The following ELAVL2 variants were observed in gnomAD, a reference collection of about 807,000 sequenced individuals.
ELAVL2 encodes ELAV like RNA binding protein 2.
Under a neutral mutation model 34.6 loss-of-function variants are expected in ELAVL2, and 4 were observed. The ratio of observed to expected loss-of-function variants is 0.12; its 90% CI spans 0.06 to 0.26. The LOEUF is 0.26. Ranked by LOEUF, ELAVL2 falls within the 10% of genes least tolerant of loss-of-function variation. The pLI is 1.00. For synonymous variants in ELAVL2, 193 were observed against 154.8 expected (o/e 1.25, Z -1.83); for missense variants, 432 against 442.8 (o/e 0.98, Z 0.22).
chr9:23,806,845 A>T (rs549763105), intron 1 of ELAVL2, among the ~76,000 whole-genome samples: 1 of 152,138 alleles, frequency 6.6e-6, no homozygotes, highest in Admixed American at 6.5e-5. Flanking sequence ...CTTAACTCTC[A>T]TACCTGCTGT....
chr9:23,722,217 A>G (rs2043908348), intron 3 of ELAVL2, among the ~76,000 whole-genome samples: 1 of 152,220 alleles, frequency 6.6e-6, no homozygotes, highest in South Asian at 2.1e-4. Flanking sequence ...AAGAGAGACC[A>G]ATGTTAACAC....
intron 1 of ELAVL2, among the ~76,000 whole-genome samples, chr9:23,800,809 C>T (rs558617608): frequency 1.2e-4 from 19 of 152,136 alleles, no homozygotes; most frequent in Non-Finnish European, 2.4e-4. Flanking sequence ...GAATTTAGAT[C>T]TATCTTCATC....
At chr9:23,731,338 A>G (rs931974391) in intron 2 of ELAVL2, among the ~76,000 whole-genome samples, 4 of 140,018 alleles carry the variant, frequency 2.9e-5, no homozygotes, top group Non-Finnish European at 4.7e-5. Context: ...AGTGCTGTTT[A>G]GGAAAAAAAA....
At chr9:23,765,308 G>A (rs1266576837) in intron 1 of ELAVL2, among the ~76,000 whole-genome samples, 1 of 152,084 alleles carries the variant, frequency 6.6e-6, no homozygotes, top group Non-Finnish European at 1.5e-5. Context: ...TTTTAATTAA[G>A]AGCCTGATTT....
the ELAVL2 span, among the ~76,000 whole-genome samples, chr9:23,843,127 A>G: frequency 2.0e-5 from 3 of 152,154 alleles, no homozygotes; most frequent in African/African-American, 7.2e-5. Flanking sequence ...AGCATATAAA[A>G]TATACAGCTG....
chr9:23,780,487 AT>A (rs1298686919), intron 1 of ELAVL2, among the ~76,000 whole-genome samples: 2 of 152,194 alleles, frequency 1.3e-5, no homozygotes, highest in Non-Finnish European at 2.9e-5. Flanking sequence ...GAGTCTTTTT[AT>A]AATTATTTTC....
At chr9:23,776,128 C>A (rs2058151901) in intron 1 of ELAVL2, among the ~76,000 whole-genome samples, 1 of 152,076 alleles carries the variant, frequency 6.6e-6, no homozygotes, top group African/African-American at 2.4e-5. Context: ...GAGGAGCAGC[C>A]AAAGTCATCT....
chr9:23,693,702 T>C (rs139973043), intron 5 of ELAVL2, among the ~76,000 whole-genome samples: 1,743 of 152,276 alleles, frequency 0.011, 25 homozygotes, highest in Admixed American at 0.023. Flanking sequence ...CAAGGGTCAG[T>C]ACATGGGACA....
chr9:23,806,383 C>A (rs1200695955), intron 1 of ELAVL2, among the ~76,000 whole-genome samples: 1 of 152,054 alleles, frequency 6.6e-6, no homozygotes, highest in Non-Finnish European at 1.5e-5. Flanking sequence ...GGTCTGTAAT[C>A]CCAGCACTTT....
chr9:23,805,679 G>C (rs754117905), intron 1 of ELAVL2, among the ~76,000 whole-genome samples: 8 of 152,254 alleles, frequency 5.3e-5, no homozygotes, highest in African/African-American at 1.9e-4. Flanking sequence ...ATCTACCTTA[G>C]ACCTCAACTT....
At chr9:23,764,999 T>A in intron 1 of ELAVL2, 1 of 1,608,188 alleles carries the variant, frequency 6.2e-7, no homozygotes, top group South Asian at 1.1e-5. Flanking sequence ...TTAAGAAAAA[T>A]CCCACAGACC....
intron 2 of ELAVL2, among the ~76,000 whole-genome samples, chr9:23,738,416 C>T (rs1024314108): frequency 6.6e-6 from 1 of 152,164 alleles, no homozygotes; most frequent in Non-Finnish European, 1.5e-5. Flanking sequence ...TTCCTTGCTG[C>T]CCTCTAATGA....
chr9:23,706,742 A>C (rs12005350), intron 3 of ELAVL2, among the ~76,000 whole-genome samples: 23 of 152,222 alleles, frequency 1.5e-4, no homozygotes, highest in African/African-American at 5.5e-4. Context: ...GTTAACAACA[A>C]ACTTTCCCAA....
At chr9:23,694,279 A>C (rs576458013) in intron 5 of ELAVL2, among the ~76,000 whole-genome samples, 1 of 152,270 alleles carries the variant, frequency 6.6e-6, no homozygotes, top group African/African-American at 2.4e-5. Context: ...ATGTTTATAG[A>C]AAGTAAATAG....
At chr9:23,770,022 A>T (rs908730461) in intron 1 of ELAVL2, among the ~76,000 whole-genome samples, 9 of 152,220 alleles carry the variant, frequency 5.9e-5, no homozygotes, top group Non-Finnish European at 1.3e-4. Flanking sequence ...GATCTGCTTA[A>T]GTTTCATGTT....
At chr9:23,770,582 A>G (rs983287623) in intron 1 of ELAVL2, among the ~76,000 whole-genome samples, 2 of 152,150 alleles carry the variant, frequency 1.3e-5, no homozygotes, top group African/African-American at 2.4e-5. Flanking sequence ...GAAGCATGAG[A>G]AGAAATCGAA....
At chr9:23,813,551 G>A (rs1241110313) in intron 1 of ELAVL2, among the ~76,000 whole-genome samples, 3 of 152,024 alleles carry the variant, frequency 2.0e-5, no homozygotes, top group African/African-American at 4.8e-5. Flanking sequence ...ACAGCATCAA[G>A]TAGCAATGTT....
At chr9:23,832,966 A>G in the ELAVL2 span, among the ~76,000 whole-genome samples, 2 of 152,154 alleles carry the variant, frequency 1.3e-5, no homozygotes, top group Admixed American at 1.3e-4. Flanking sequence ...TAGGTTAGTA[A>G]GCAAATAAAT....
rs1471497476 is a variant in ELAVL2 at position 23,691,256 on chromosome 9, A to G, written c.*1301T>C. On this transcript the variant is annotated 3_prime_UTR_variant, in exon 7 of 7. Transcript: ENST00000397312. ...CTGAACATCACTTGGCATGTAAGGG[A>G]AAAAAAATTAAATTAGCTGAAAGGT... is the stretch of plus-strand genomic sequence containing the variant. 6.6e-6 allele frequency: 1 copy of G among 152,446 alleles called. No homozygotes were observed. Among genetic ancestry groups the G allele is most frequent in the East Asian group, 1.9e-4 (1 of 5,198 alleles). The allele number at this position is 152,446 out of a possible 1,614,324, so 9.4% of individuals were successfully genotyped here. A position where few individuals can be genotyped will look rare whatever the true frequency, so the allele number is the denominator to read the frequency against.
Sources: allele counts gnomAD v4.1 joint callset (sites outside exome capture counted in the v4.1 genomes callset), GRCh38; gene constraint gnomAD v4.1.1; transcripts MANE v1.5; gene names NCBI Gene and HGNC (gene_info 2026-07-23, HGNC 2026-07-21).